Variants in CNTN3 observed in about 807,000 individuals in gnomAD.
CNTN3 encodes the protein contactin-3.
A neutral mutation model predicts 119.1 loss-of-function variants in CNTN3; 60 were observed. The observed-to-expected ratio is 0.50, with a 90% confidence interval of 0.41 to 0.62. CNTN3 has a LOEUF of 0.62. CNTN3 is among the 20% of genes least tolerant of loss of function. The probability of loss-of-function intolerance (pLI) is 0.00; values close to 1 mark genes in which losing one functional copy is unlikely to be tolerated. For missense variants in CNTN3, 1,101 were observed against 1,242.4 expected (o/e 0.89, Z 1.71); for synonymous variants, 450 against 438.7 (o/e 1.03, Z -0.32).
intron 13 of CNTN3, among the ~76,000 whole-genome samples, chr3:74,319,392 C>G (rs1702923616): frequency 6.6e-6 from 1 of 152,046 alleles, no homozygotes; most frequent in Non-Finnish European, 1.5e-5. Flanking sequence ...CTTTGACAAA[C>G]CTGACAAAAA....
chr3:74,278,832 A>C (rs1185366586), intron 20 of CNTN3, among the ~76,000 whole-genome samples: 1 of 152,160 alleles, frequency 6.6e-6, no homozygotes, highest in Admixed American at 6.5e-5. Context: ...CCTAAAGAGT[A>C]GGAGAAAATC....
chr3:74,597,303 T>G (rs936378150), intron 1 of CNTN3, among the ~76,000 whole-genome samples: 4 of 152,002 alleles, frequency 2.6e-5, no homozygotes, highest in South Asian at 2.1e-4. Context: ...TTCACATGAT[T>G]TAATGGATGT....
At chr3:74,569,107 TCCA>T (rs1704271872) in intron 1 of CNTN3, among the ~76,000 whole-genome samples, 3 of 152,158 alleles carry the variant, frequency 2.0e-5, no homozygotes, top group Admixed American at 2.0e-4. Context: ...CTCCTGATAT[TCCA>T]CCAAGATCCA....
intron 4 of CNTN3, among the ~76,000 whole-genome samples, chr3:74,459,519 G>C (rs1053749544): frequency 2.6e-5 from 4 of 151,996 alleles, no homozygotes; most frequent in African/African-American, 9.7e-5. Context: ...TATCTTCGAA[G>C]TCTCAGGTCT....
At chr3:74,297,674 C>A (rs1463541079) in intron 18 of CNTN3, among the ~76,000 whole-genome samples, 1 of 152,170 alleles carries the variant, frequency 6.6e-6, no homozygotes, top group Non-Finnish European at 1.5e-5. Flanking sequence ...CATTTTCTTG[C>A]ATGACTTGGC....
chr3:74,487,916 G>A lies in CNTN3; in HGVS notation c.183-1285C>T, dbSNP rs115880389. Among the ~76,000 whole-genome samples the A allele has an allele frequency of 7.5e-3, 1,129 of 150,942 alleles. 19 individuals are homozygous for A. Among genetic ancestry groups the A allele is most frequent in the African/African-American group, 0.026 (1,057 of 41,222 alleles). On this transcript the variant is annotated intron_variant, in intron 3 of 22. Coordinates refer to ENST00000263665, the MANE Select transcript of CNTN3 (RefSeq NM_020872.3). ...TGTGAAGTTTTAAAATACAGTTGAC[G>A]TTTATAATTTTCAGATCTTTTAAAA...
intron 4 of CNTN3, among the ~76,000 whole-genome samples, chr3:74,437,213 C>T (rs925524918): frequency 8.5e-5 from 13 of 152,170 alleles, no homozygotes; most frequent in African/African-American, 3.1e-4. Flanking sequence ...AATCCCAGCA[C>T]TTTGGGAGAC....
At chr3:74,464,041 T>C (rs967055873) in intron 4 of CNTN3, among the ~76,000 whole-genome samples, 48 of 152,222 alleles carry the variant, frequency 3.2e-4, no homozygotes, top group African/African-American at 1.0e-3. Flanking sequence ...ATGCTCTCCA[T>C]AGTACTTTTT....
chr3:74,486,213 C>G (rs1702854479), intron 4 of CNTN3, among the ~76,000 whole-genome samples: 1 of 151,740 alleles, frequency 6.6e-6, no homozygotes, highest in Non-Finnish European at 1.5e-5. Context: ...CACACACACA[C>G]ACACACACAC....
At chr3:74,518,667 T>C (rs542150646) in intron 2 of CNTN3, among the ~76,000 whole-genome samples, 68 of 152,044 alleles carry the variant, frequency 4.5e-4, no homozygotes, top group Admixed American at 4.3e-3. Flanking sequence ...TACTCCTCAA[T>C]CATTTCAGGA....
Position 74,444,597 on chromosome 3 carries a change from C to G in CNTN3, c.359-19657G>C, listed in dbSNP as rs377720841. 1.3e-4 allele frequency among the ~76,000 whole-genome samples: 20 copies of G among 152,136 alleles called. No homozygotes were observed. The East Asian group carries it at 3.5e-3, about 27-fold the overall frequency. On this transcript the variant is annotated intron_variant, in intron 4 of 22. Coordinates refer to ENST00000263665, the MANE Select transcript of CNTN3 (RefSeq NM_020872.3). The stretch of plus-strand genomic sequence containing the variant: ...TCCAACAATGCTAACTTTCTTGTTT[C>G]AAGCAAAGATGCTTTGCCTTGGTGT...
intron 2 of CNTN3, among the ~76,000 whole-genome samples, chr3:74,500,953 A>T (rs550358081): frequency 1.1e-4 from 16 of 152,212 alleles, no homozygotes; most frequent in Admixed American, 2.6e-4. Context: ...AAGTTCACAC[A>T]GCATTGCAGA....
At chr3:74,443,736 C>T (rs1478331112) in intron 4 of CNTN3, among the ~76,000 whole-genome samples, 1 of 152,124 alleles carries the variant, frequency 6.6e-6, no homozygotes, top group African/African-American at 2.4e-5. Context: ...GTTGTTTCCC[C>T]TAGGAGGTCG....
At chr3:74,280,558 CA>C (rs1220897758) in intron 20 of CNTN3, among the ~76,000 whole-genome samples, 6 of 152,222 alleles carry the variant, frequency 3.9e-5, no homozygotes, top group Non-Finnish European at 7.3e-5. Flanking sequence ...CAAGAGACAA[CA>C]GTTCTCTTGA....
intron 1 of CNTN3, among the ~76,000 whole-genome samples, chr3:74,590,342 T>A (rs1156906701): frequency 6.6e-6 from 1 of 152,030 alleles, no homozygotes; most frequent in Non-Finnish European, 1.5e-5. Flanking sequence ...AAAGTAAACA[T>A]ATACAACTAT....
At chr3:74,444,915 T>C (rs1702024390) in intron 4 of CNTN3, among the ~76,000 whole-genome samples, 1 of 152,198 alleles carries the variant, frequency 6.6e-6, no homozygotes, top group Non-Finnish European at 1.5e-5. Context: ...AATATTTTTA[T>C]GTAGCACCAA....
chr3:74,279,773 C>G (rs1241156452), intron 20 of CNTN3, among the ~76,000 whole-genome samples: 1 of 151,868 alleles, frequency 6.6e-6, no homozygotes, highest in Admixed American at 6.6e-5. Flanking sequence ...CCACCTGTAC[C>G]CCACTAACCT....
intron 4 of CNTN3, among the ~76,000 whole-genome samples, chr3:74,425,289 T>G (rs896347271): frequency 6.6e-6 from 1 of 152,274 alleles, no homozygotes; most frequent in East Asian, 1.9e-4. Context: ...ATCTTTATGG[T>G]CATAAGTACC....
At chr3:74,568,858 T>C (rs973719451) in intron 1 of CNTN3, among the ~76,000 whole-genome samples, 1 of 152,168 alleles carries the variant, frequency 6.6e-6, no homozygotes, top group Non-Finnish European at 1.5e-5. Context: ...CATTGGTGAG[T>C]TGTCTTGGAG....
Sources: allele counts gnomAD v4.1 joint callset (sites outside exome capture counted in the v4.1 genomes callset), GRCh38; gene constraint gnomAD v4.1.1; transcripts MANE v1.5; gene names NCBI Gene and HGNC (gene_info 2026-07-23, HGNC 2026-07-21).